DPP9: variants seen among roughly 807,000 people sequenced by gnomAD.
DPP9 encodes dipeptidyl peptidase 9.
DPP9 carries 50 observed loss-of-function variants against 110.7 expected under a neutral mutation model. The observed-to-expected ratio is 0.45, with a 90% CI of 0.36 to 0.57. The LOEUF (loss-of-function observed/expected upper bound fraction) is 0.57. DPP9 is among the 20% of genes least tolerant of loss of function. The pLI, the probability that DPP9 is intolerant of heterozygous loss-of-function variation, is 0.00. For synonymous variants in DPP9, 561 were observed against 514.4 expected (o/e 1.09, Z -1.23); for missense variants, 1,022 against 1,217.9 (o/e 0.84, Z 2.39).
intron 4 of DPP9, among the ~76,000 whole-genome samples, chr19:4,707,337 T>C (rs2092632877): frequency 6.6e-6 from 1 of 152,134 alleles, no homozygotes; most frequent in African/African-American, 2.4e-5. Context: ...TGGATGACAG[T>C]ACAATTGTCA....
Position 4,676,745 on chromosome 19 carries a change from G to A in DPP9, c.2587-89C>T, listed in dbSNP as rs2088882079. On this transcript the variant is annotated intron_variant, in intron 21 of 21. Transcript: ENST00000262960. This position sits in a 1 kb window ranked among gnomAD's most constrained non-coding sequence, Gnocchi z 4.0. The stretch of plus-strand genomic sequence containing the variant: ...TCCCTTATTCTGGCTCAGGGCATCC[G>A]GGAAGGCGCAGGTGCTCTGAGGCCC... 11 of 1,123,610 alleles carry A rather than the reference G, an allele frequency of 9.8e-6. No homozygotes were observed. The highest frequency in any genetic ancestry group is 1.0e-5 in the Non-Finnish European group (8 of 766,516). The allele number at this position is 1,123,610 out of a possible 1,614,324, so 69.6% of individuals were successfully genotyped here. A position where few individuals can be genotyped will look rare whatever the true frequency, so the allele number is the denominator to read the frequency against.
At position 4,689,660 on chromosome 19, in the gene DPP9, C is replaced by T. The variant is rs202040083; in HGVS notation, c.1659G>A (p.Glu553=). The T allele has an allele frequency of 3.8e-6, 6 of 1,564,314 alleles. No homozygotes were observed. The highest frequency in any genetic ancestry group is 1.9e-5 in the Admixed American group (1 of 52,892). ...YFQGTKDTPL[E]HHLYVVSYEA... ...CATAGCTGACCACGTAGAGGTGGTG[C>T]TCCAGCGGCGTGTCCTTGGTGCCCT... The change falls in exon 15 of 22, where the codon GAG becomes GAA. Residue 553 remains glutamate, a synonymous_variant. Coordinates refer to ENST00000262960, the MANE Select transcript of DPP9 (RefSeq NM_139159.5). This position sits in a 1 kb window ranked among gnomAD's most constrained non-coding sequence, Gnocchi z 7.0.
rs966227411 is a variant in DPP9 at position 4,695,006 on chromosome 19, C to G, written c.1354-183G>C. 1.6e-6 allele frequency: 1 copy of G among 637,938 alleles called. No homozygotes were observed. The highest frequency in any genetic ancestry group is 2.7e-6 in the Non-Finnish European group (1 of 372,372). 39.5% of individuals were successfully genotyped at this position (637,938 alleles called of 1,614,324 possible). A position where few individuals can be genotyped will look rare whatever the true frequency, so the allele number is the denominator to read the frequency against. On this transcript the variant is annotated intron_variant, in intron 12 of 21. Coordinates refer to ENST00000262960, the MANE Select transcript of DPP9 (RefSeq NM_139159.5). The surrounding 1 kb of genome is among the most constrained non-coding windows in gnomAD (Gnocchi z 4.7). ...CTCTAAAAATAAATAAATAAATTAGCCAGGCATGGTGGTGCAGGCTTGTGG... is the reference window on the plus strand; with the variant it reads ...CTCTAAAAATAAATAAATAAATTAGGCAGGCATGGTGGTGCAGGCTTGTGG...
chr19:4,699,003 CA>C (rs1440047494), intron 10 of DPP9, among the ~76,000 whole-genome samples: 2 of 151,312 alleles, frequency 1.3e-5, no homozygotes, highest in African/African-American at 4.9e-5. Context: ...ATAAAAAATA[CA>C]AAAAATTAGC....
At chr19:4,678,359 C>T (rs1216346807) in intron 21 of DPP9, among the ~76,000 whole-genome samples, 3 of 152,044 alleles carry the variant, frequency 2.0e-5, no homozygotes, top group Admixed American at 6.6e-5. Context: ...GTGATCCACC[C>T]GCCTCAGCCT....
At chr19:4,722,725 G>C in intron 1 of DPP9, 174 bp from the exon 2 acceptor site, 1 of 587,740 alleles carries the variant, frequency 1.7e-6, no homozygotes, top group Non-Finnish European at 3.0e-6. Context: ...GAATCTGGGA[G>C]AGAAGCCATC....
intron 13 of DPP9, among the ~76,000 whole-genome samples, chr19:4,692,963 A>C (rs1027117367): frequency 6.6e-6 from 1 of 152,148 alleles, no homozygotes; most frequent in Non-Finnish European, 1.5e-5. Context: ...GGCAGCCTAC[A>C]GCATCACCTG....
At chr19:4,705,733 G>A (rs2092549320) in intron 5 of DPP9, 125 bp downstream of exon 5, 2 of 863,002 alleles carry the variant, frequency 2.3e-6, no homozygotes, top group Non-Finnish European at 1.8e-6. Context: ...TCCACAGGAC[G>A]GAGGGTTTGT....
At position 4,679,819 on chromosome 19, in the gene DPP9, C is replaced by T. The variant is rs1361085338; in HGVS notation, c.2586+16G>A. On this transcript the variant is annotated intron_variant, in intron 21 of 21. Coordinates refer to ENST00000262960, the MANE Select transcript of DPP9 (RefSeq NM_139159.5). Reference sequence around the variant, plus strand: ...GTCGGCTCGCGGAGGGGCCGAAGCCCCCAACAGCCACCCACCTGGAGCTGG... The same window carrying T: ...GTCGGCTCGCGGAGGGGCCGAAGCCTCCAACAGCCACCCACCTGGAGCTGG... The T allele has an allele frequency of 3.2e-6, 5 of 1,585,704 alleles. No homozygotes were observed. Among genetic ancestry groups the T allele is most frequent in the Non-Finnish European group, 3.4e-6 (4 of 1,164,586 alleles).
Position 4,700,312 on chromosome 19 carries a change from G to C in DPP9, c.1013-35C>G, listed in dbSNP as rs767977048. On this transcript the variant is annotated intron_variant, in intron 9 of 21. Transcript: ENST00000262960. The surrounding 1 kb of genome is among the most constrained non-coding windows in gnomAD (Gnocchi z 4.3). ...CCGAAGTGAGGTGAACACCAGGCAG[G>C]CATCACCCGTGTGTGCCGAGAGCCG... 2 of 1,574,132 alleles carry C rather than the reference G, an allele frequency of 1.3e-6. No individual in the cohort carries two copies. The highest frequency in any genetic ancestry group is 1.3e-5 in the African/African-American group (1 of 74,120).
Position 4,688,881 on chromosome 19 carries a change from C to T in DPP9, c.1761G>A (p.Met587Ile), listed in dbSNP as rs752774263. Residue 587 changes from methionine (M) to isoleucine (I), a missense_variant, in exon 16 of 22, where the codon ATG becomes ATA. Met to Ile is a conservative substitution (Grantham distance 10). Transcript: ENST00000262960. ...HSCSMSQNFD[M>I]FVSHYSSVST... Reference sequence around the variant, plus strand: ...TCACGCTGCTGTAGTGGCTGACGAACATGTCGAAGTTCTGGGGGTGGAATG... The same window carrying T: ...TCACGCTGCTGTAGTGGCTGACGAATATGTCGAAGTTCTGGGGGTGGAATG... 2.6e-6 allele frequency: 4 copies of T among 1,520,278 alleles called. No homozygotes were observed. Among genetic ancestry groups the T allele is most frequent in the Middle Eastern group, 1.7e-4 (1 of 5,844 alleles). The allele number at this position is 1,520,278 out of a possible 1,614,324, so 94.2% of individuals were successfully genotyped here. A position where few individuals can be genotyped will look rare whatever the true frequency, so the allele number is the denominator to read the frequency against.
chr19:4,685,797 G>A lies in DPP9; in HGVS notation c.1886-26C>T. 1 of 1,607,180 alleles carries A rather than the reference G, an allele frequency of 6.2e-7. No individual in the cohort carries two copies. The highest frequency in any genetic ancestry group is 8.5e-7 in the Non-Finnish European group (1 of 1,177,826). On this transcript the variant is annotated intron_variant, in intron 16 of 21. Transcript: ENST00000262960. The surrounding 1 kb of genome is among the most constrained non-coding windows in gnomAD (Gnocchi z 5.8). Reference sequence around the variant, plus strand: ...CTGCGGGAGACAGGGCGGCTATCTGGCTGCCCGGGGAAGCCACATCCAGCT... The same window carrying A: ...CTGCGGGAGACAGGGCGGCTATCTGACTGCCCGGGGAAGCCACATCCAGCT...
At chr19:4,712,914 A>G (rs765541565) in intron 4 of DPP9, among the ~76,000 whole-genome samples, 1 of 152,178 alleles carries the variant, frequency 6.6e-6, no homozygotes. Flanking sequence ...ACTGGTTCCA[A>G]TGCTGGCTGG....
chr19:4,717,884 C>G (rs934404190), intron 3 of DPP9: 1 of 152,244 alleles, frequency 6.6e-6, no homozygotes, highest in Admixed American at 6.5e-5. Flanking sequence ...CTAGCACCAC[C>G]CTATGCTGTG....
chr19:4,702,051 CCGTCTT>C lies in DPP9; in HGVS notation c.982_987del (p.Lys328_Thr329del). On this transcript the variant is annotated inframe_deletion, in exon 9 of 22. Coordinates refer to ENST00000262960, the MANE Select transcript of DPP9 (RefSeq NM_139159.5). ...CCTGTCCTGGGGTACCGATACGAGT[CCGTCTT>C]CCTTTCTTCTAGCGCAGGAGAGGGG... is the stretch of plus-strand genomic sequence containing the variant. 6.2e-7 allele frequency: 1 copy of C among 1,613,942 alleles called. No homozygotes were observed. Among genetic ancestry groups the C allele is most frequent in the Non-Finnish European group, 8.5e-7 (1 of 1,179,836 alleles).
At position 4,714,311 on chromosome 19, in the gene DPP9, T is replaced by C. The variant is rs1210609467; in HGVS notation, c.83A>G (p.Glu28Gly). Reference sequence around the variant, plus strand: ...TGGGGTCCCGGTGGTGGCCATCCTCTCAGCCCCCTCGGAATTCAGCGAGAA... The same window carrying C: ...TGGGGTCCCGGTGGTGGCCATCCTCCCAGCCCCCTCGGAATTCAGCGAGAA... ...RSFSLNSEGAERMATTGTPTA... is the reference protein window; with the variant it reads ...RSFSLNSEGAGRMATTGTPTA... Residue 28 changes from glutamate (E) to glycine (G), a missense_variant, in exon 4 of 22, where the codon GAG (glutamate) becomes GGG (glycine). By Grantham distance (98) the Glu-to-Gly change is moderately conservative. Around this residue, in one of 3 missense-constraint regions of DPP9, gnomAD observed 810 missense variants for 920.6 expected, o/e 0.88. Transcript: ENST00000262960. 1.3e-6 allele frequency: 2 copies of C among 1,521,768 alleles called. No individual in the cohort carries two copies. Among genetic ancestry groups the C allele is most frequent in the Middle Eastern group, 1.7e-4 (1 of 5,862 alleles). 94.3% of individuals were successfully genotyped at this position (1,521,768 alleles called of 1,614,324 possible).
chr19:4,687,063 T>C lies in DPP9; in HGVS notation c.1886-1292A>G, dbSNP rs10415651. 0.13 allele frequency among the ~76,000 whole-genome samples: 19,229 copies of C among 152,090 alleles called. 1,630 individuals are homozygous for C. Among genetic ancestry groups the C allele is most frequent in the African/African-American group, 0.24 (9,861 of 41,434 alleles). On this transcript the variant is annotated intron_variant, in intron 16 of 21. Coordinates refer to ENST00000262960, the MANE Select transcript of DPP9 (RefSeq NM_139159.5). This position sits in a 1 kb window ranked among gnomAD's most constrained non-coding sequence, Gnocchi z 4.7. ...CTGAGGTTCTGGTCTCTGCCCCCAC[T>C]GCTAGGCTGGGTGCCCTGCTGAGCC...
At position 4,693,930 on chromosome 19, in the gene DPP9, G is replaced by A. The variant is rs2091556012; in HGVS notation, c.1516+731C>T. 1.3e-5 allele frequency among the ~76,000 whole-genome samples: 2 copies of A among 151,972 alleles called. No homozygotes were observed. Among genetic ancestry groups the A allele is most frequent in the South Asian group, 4.1e-4 (2 of 4,822 alleles). On this transcript the variant is annotated intron_variant, in intron 13 of 21. Coordinates refer to ENST00000262960, the MANE Select transcript of DPP9 (RefSeq NM_139159.5). This position sits in a 1 kb window ranked among gnomAD's most constrained non-coding sequence, Gnocchi z 5.0. ...CTGCCCCAGGGCCTTTGTACGGGCT[G>A]TGGCTCTGCCCAGAGCCGTGGTGTG...
In DPP9 at chr19:4,684,214, T is replaced by C. The variant is rs912050567; in HGVS notation, c.2178+449A>G. The C allele has an allele frequency of 3.7e-6, 1 of 271,274 alleles. No homozygotes were observed. The highest frequency in any genetic ancestry group is 7.3e-6 in the Non-Finnish European group (1 of 137,704). 16.8% of individuals were successfully genotyped at this position (271,274 alleles called of 1,614,324 possible). ...CGCTCCTTGCAACCCCTCTGCCGTG[T>C]AGGAAGCAGCACAGGGCCTCTCTGG... On this transcript the variant is annotated intron_variant, in intron 18 of 21. Coordinates refer to ENST00000262960, the MANE Select transcript of DPP9 (RefSeq NM_139159.5). This position sits in a 1 kb window ranked among gnomAD's most constrained non-coding sequence, Gnocchi z 4.8.
Sources: gnomAD v4.1 joint callset for allele counts (sites outside exome capture counted in the v4.1 genomes callset) on GRCh38, gnomAD v4.1.1 for gene constraint, gnomAD v4.1.1 regional missense constraint, Gnocchi (gnomAD v3.1) non-coding constraint, MANE v1.5 for transcripts, NCBI Gene and HGNC (gene_info 2026-07-23, HGNC 2026-07-21) for gene names.